Variants in LATS2 observed in about 807,000 individuals in gnomAD.
LATS2 encodes the protein large tumor suppressor kinase 2.
In LATS2, 24 loss-of-function variants were observed where a neutral mutation model predicts 76.0. The observed-to-expected ratio is 0.32, with a 90% confidence interval of 0.23 to 0.44. The LOEUF is 0.44. LATS2 is among the 20% of genes least tolerant of loss of function. The probability of loss-of-function intolerance (pLI) is 1.00; values close to 1 mark genes in which losing one functional copy is unlikely to be tolerated. For synonymous variants in LATS2, 692 were observed against 635.4 expected (o/e 1.09, Z -1.34); for missense variants, 1,286 against 1,481.2 (o/e 0.87, Z 2.16).
chr13:21,034,282 G>C (rs1211471799), intron 2 of LATS2, among the ~76,000 whole-genome samples: 3 of 152,164 alleles, frequency 2.0e-5, no homozygotes, highest in Non-Finnish European at 4.4e-5. Context: ...CTACACTATG[G>C]CTTTCTAACC....
In LATS2 at chr13:21,053,561, C is replaced by T. The variant is rs539827588; in HGVS notation, c.-204-7331G>A. On this transcript the variant is annotated intron_variant, in intron 1 of 7. Transcript: ENST00000382592. Reference sequence around the variant, plus strand: ...AGCACCGAATCTGCGTCCTCAGTTCCACACTGAGGACAAAGCCTGCCAGTG... The same window carrying T: ...AGCACCGAATCTGCGTCCTCAGTTCTACACTGAGGACAAAGCCTGCCAGTG... Among the ~76,000 whole-genome samples, 53 of 152,258 alleles carry T rather than the reference C, an allele frequency of 3.5e-4. No individual in the cohort carries two copies. The Middle Eastern group carries it at 0.01, about 29-fold the overall frequency.
chr13:20,979,678 CCT>C lies in LATS2; in HGVS notation c.2772+11_2772+12del. The C allele has an allele frequency of 6.7e-7, 1 of 1,483,940 alleles. No homozygotes were observed. Among genetic ancestry groups the C allele is most frequent in the South Asian group, 1.1e-5 (1 of 87,700 alleles). The allele number at this position is 1,483,940 out of a possible 1,614,324, so 91.9% of individuals were successfully genotyped here. A position where few individuals can be genotyped will look rare whatever the true frequency, so the allele number is the denominator to read the frequency against. The stretch of plus-strand genomic sequence containing the variant: ...GTCTACAGCAAGCAGATGCGTGGTT[CCT>C]CTCACATTACCTTCAGCTGGGTTTC... On this transcript the variant is annotated intron_variant, in intron 7 of 7. Coordinates refer to ENST00000382592, the MANE Select transcript of LATS2 (RefSeq NM_014572.3).
At chr13:21,050,253 C>T (rs1873228000) in intron 1 of LATS2, among the ~76,000 whole-genome samples, 1 of 151,884 alleles carries the variant, frequency 6.6e-6, no homozygotes, top group Non-Finnish European at 1.5e-5. Context: ...ACTTATTTAA[C>T]ATATATTTTT....
At chr13:21,012,994 A>G (rs1871658161) in intron 2 of LATS2, among the ~76,000 whole-genome samples, 1 of 152,202 alleles carries the variant, frequency 6.6e-6, no homozygotes, top group African/African-American at 2.4e-5. Context: ...TTTCCAACTC[A>G]GTAACTTCAT....
Position 20,983,384 on chromosome 13 carries a change from C to T in LATS2, c.2322G>A (p.Glu774=). Residue 774 remains glutamate, a synonymous_variant, in exon 5 of 8, where the codon GAG becomes GAA. Coordinates refer to ENST00000382592, the MANE Select transcript of LATS2 (RefSeq NM_014572.3). The part of the protein sequence containing the change: ...PEHLARFYIA[E]LTLAIESVHK... ...GGACACTCTCAATGGCCAAAGTCAG[C>T]TCTGCGATGTAGAACCGGGCCAGGT... 2 of 1,614,074 alleles carry T rather than the reference C, an allele frequency of 1.2e-6. No homozygotes were observed. The highest frequency in any genetic ancestry group is 1.7e-6 in the Non-Finnish European group (2 of 1,180,038).
chr13:21,003,670 G>A (rs1169741791), intron 2 of LATS2, among the ~76,000 whole-genome samples: 2 of 152,076 alleles, frequency 1.3e-5, no homozygotes, highest in Non-Finnish European at 2.9e-5. Context: ...TTGATCTCCT[G>A]ATCTCAAGTG....
intron 5 of LATS2, among the ~76,000 whole-genome samples, chr13:20,981,917 G>A (rs538686571): frequency 6.6e-6 from 1 of 152,304 alleles, no homozygotes; most frequent in Non-Finnish European, 1.5e-5. Context: ...TGCTGAGCTG[G>A]CAGGAAGGCA....
In LATS2 at chr13:21,046,561, A is replaced by C. The variant is rs1413252405; in HGVS notation, c.-204-331T>G. The stretch of plus-strand genomic sequence containing the variant: ...AATAAAATTTTATTTTGAAACCCAC[A>C]GCTTGAGGAGTATTTAAATTTTCTA... On this transcript the variant is annotated intron_variant, in intron 1 of 7. Transcript: ENST00000382592. Among the ~76,000 whole-genome samples, 6 of 152,186 alleles carry C rather than the reference A, an allele frequency of 3.9e-5. No individual in the cohort carries two copies. The East Asian group carries it at 5.8e-4, about 15-fold the overall frequency.
Position 20,989,207 on chromosome 13 carries a change from G to C in LATS2, c.573C>G (p.Tyr191Ter). 1.2e-6 allele frequency: 2 copies of C among 1,613,740 alleles called. No individual in the cohort carries two copies. The highest frequency in any genetic ancestry group is 1.7e-6 in the Non-Finnish European group (2 of 1,179,990). ...CGTCAGCGCCGAAGCTTGGGCCCTC[G>C]TAGGGGGTACCGCTCAGCTGGTGGT... ...ASYHQLSGTP[Y>*]EGPSFGADGP... is the part of the protein sequence containing the mutation. The change falls in exon 4 of 8, where the codon TAC becomes TAG. Residue 191 changes from tyrosine to a stop codon, truncating the protein, a stop_gained. Transcript: ENST00000382592. LOFTEE classifies it high-confidence loss of function.
intron 2 of LATS2, among the ~76,000 whole-genome samples, chr13:21,028,264 A>G (rs1007422208): frequency 7.2e-5 from 11 of 152,094 alleles, no homozygotes; most frequent in African/African-American, 2.7e-4. Context: ...TGAACTCATC[A>G]TTTTTTATGG....
rs1349338579 is a variant in LATS2 at position 20,990,487 on chromosome 13, TA to T, written c.475+784del. 2.2e-4 allele frequency among the ~76,000 whole-genome samples: 28 copies of T among 125,052 alleles called. 5 individuals are homozygous for T. Among genetic ancestry groups the T allele is most frequent in the South Asian group, 8.4e-4 (3 of 3,574 alleles). 82.0% of individuals were successfully genotyped at this position (125,052 alleles called of 152,430 possible). A position where few individuals can be genotyped will look rare whatever the true frequency, so the allele number is the denominator to read the frequency against. ...TTTTTTTTTTTTTTTTTTTTTTTTT[TA>T]AATACAGACGAGGTCTCCCTCTGTT... On this transcript the variant is annotated intron_variant, in intron 3 of 7. Coordinates refer to ENST00000382592, the MANE Select transcript of LATS2 (RefSeq NM_014572.3).
intron 2 of LATS2, among the ~76,000 whole-genome samples, chr13:21,000,103 C>A (rs567197006): frequency 1.3e-5 from 2 of 152,108 alleles, no homozygotes; most frequent in Non-Finnish European, 2.9e-5. Flanking sequence ...AAAGATAGGC[C>A]GGGCGTGGTG....
chr13:20,977,129 C>T (rs1235411041), intron 7 of LATS2, among the ~76,000 whole-genome samples: 2 of 152,190 alleles, frequency 1.3e-5, no homozygotes, highest in Non-Finnish European at 2.9e-5. Context: ...GGCACAGTGG[C>T]TCACACCTAT....
intron 2 of LATS2, among the ~76,000 whole-genome samples, chr13:21,022,578 GA>G (rs375937159): frequency 8.9e-4 from 136 of 152,250 alleles, no homozygotes; most frequent in African/African-American, 2.6e-3. Flanking sequence ...CAAAATGTTT[GA>G]AAAGATCAAA....
chr13:20,990,821 C>T (rs1372648800), intron 3 of LATS2, among the ~76,000 whole-genome samples: 3 of 152,202 alleles, frequency 2.0e-5, no homozygotes, highest in Non-Finnish European at 4.4e-5. Context: ...TCTGCCCACA[C>T]TGCCTGCCAT....
chr13:21,033,629 G>A (rs192824312), intron 2 of LATS2, among the ~76,000 whole-genome samples: 1 of 149,822 alleles, frequency 6.7e-6, no homozygotes, highest in African/African-American at 2.5e-5. Flanking sequence ...GCGTCTCCAA[G>A]GTTGACAGAC....
intron 2 of LATS2, among the ~76,000 whole-genome samples, chr13:21,037,905 A>G (rs1872736438): frequency 6.6e-6 from 1 of 152,116 alleles, no homozygotes; most frequent in African/African-American, 2.4e-5. Flanking sequence ...CCCAGGCACC[A>G]TCCTGAGGCC....
chr13:20,991,092 C>T lies in LATS2; in HGVS notation c.475+180G>A, dbSNP rs564657626. Among the ~76,000 whole-genome samples the T allele has an allele frequency of 2.6e-4, 39 of 152,378 alleles. No individual in the cohort carries two copies. The highest frequency in any genetic ancestry group is 9.1e-4 in the African/African-American group (38 of 41,598). On this transcript the variant is annotated intron_variant, in intron 3 of 7. Coordinates refer to ENST00000382592, the MANE Select transcript of LATS2 (RefSeq NM_014572.3). This position sits in a 1 kb window ranked among gnomAD's most constrained non-coding sequence, Gnocchi z 4.9. The stretch of plus-strand genomic sequence containing the variant: ...CACGGTCTACCACTTGGGGCTGCTC[C>T]CGCCAGGGCCTGACTCTGTCAGGGC...
intron 2 of LATS2, among the ~76,000 whole-genome samples, chr13:21,033,493 T>C (rs983702288): frequency 2.0e-5 from 3 of 151,794 alleles, no homozygotes; most frequent in African/African-American, 7.3e-5. Context: ...TGGGGCTTCT[T>C]ACTCTAACAG....
Sources: allele counts gnomAD v4.1 joint callset (sites outside exome capture counted in the v4.1 genomes callset), GRCh38; gene constraint gnomAD v4.1.1; non-coding constraint Gnocchi (gnomAD v3.1); transcripts MANE v1.5; gene names NCBI Gene and HGNC (gene_info 2026-07-23, HGNC 2026-07-21).